The following MACROD1 variants were observed in gnomAD, a reference collection of about 807,000 sequenced individuals.
The protein encoded by MACROD1 is ADP-ribose glycohydrolase MACROD1.
MACROD1 carries 31 observed loss-of-function variants against 41.4 expected under a neutral mutation model. The ratio of observed to expected loss-of-function variants is 0.75; its 90% CI spans 0.56 to 1.01. MACROD1 has a LOEUF of 1.01. Ranked by LOEUF, MACROD1 falls within the 50% of genes least tolerant of loss-of-function variation. The pLI is 0.00. For missense variants in MACROD1, 473 were observed against 460.0 expected (o/e 1.03, Z -0.26); for synonymous variants, 252 against 203.4 (o/e 1.24, Z -2.03).
chr11:64,022,282 G>A (rs1049778260), intron 3 of MACROD1, among the ~76,000 whole-genome samples: 5 of 152,024 alleles, frequency 3.3e-5, no homozygotes, highest in African/African-American at 7.3e-5. Context: ...CCCTGCCTCC[G>A]GGATGCCTCT....
rs1318031655 is a variant in MACROD1, at chr11:64,090,326, G to GTC, written c.517+60911_517+60912dup. ...GTCTAATAGTCAGCAGTTATTTATC[G>GTC]TCTCGTTTCTTAGTGGGTAGGAAAG... On this transcript the variant is annotated intron_variant, in intron 3 of 10. Transcript: ENST00000255681. This position sits in a 1 kb window ranked among gnomAD's most constrained non-coding sequence, Gnocchi z 4.7. Among the ~76,000 whole-genome samples, 1 of 152,196 alleles carries GTC rather than the reference G, an allele frequency of 6.6e-6. No individual in the cohort carries two copies. Among genetic ancestry groups the GTC allele is most frequent in the African/African-American group, 2.4e-5 (1 of 41,440 alleles).
At chr11:64,014,328 G>C (rs896799464) in intron 4 of MACROD1, among the ~76,000 whole-genome samples, 5 of 152,222 alleles carry the variant, frequency 3.3e-5, no homozygotes, top group African/African-American at 1.2e-4. Context: ...GGAGAATGGG[G>C]AGGAGGGAAA....
intron 4 of MACROD1, among the ~76,000 whole-genome samples, chr11:64,002,146 G>A (rs1942835723): frequency 6.6e-6 from 1 of 152,176 alleles, no homozygotes; most frequent in African/African-American, 2.4e-5. Context: ...TGCACACAGG[G>A]TGTTCACAGT....
rs576931022 is a variant in MACROD1, at chr11:64,009,436, T to C, written c.547+5816A>G. Among the ~76,000 whole-genome samples the C allele has an allele frequency of 5.3e-5, 8 of 152,260 alleles. No individual in the cohort carries two copies. In the South Asian group the frequency reaches 1.7e-3, roughly 32 times the overall value. ...TCCTGCTCTACCTGCAGAACTCCTATTTAGCCTTCGGGACCCAAGTCAAAT... is the reference window on the plus strand; with the variant it reads ...TCCTGCTCTACCTGCAGAACTCCTACTTAGCCTTCGGGACCCAAGTCAAAT... On this transcript the variant is annotated intron_variant, in intron 4 of 10. Coordinates refer to ENST00000255681, the MANE Select transcript of MACROD1 (RefSeq NM_014067.4).
intron 3 of MACROD1, among the ~76,000 whole-genome samples, chr11:64,069,652 G>A (rs911867510): frequency 6.6e-6 from 1 of 152,142 alleles, no homozygotes; most frequent in African/African-American, 2.4e-5. Flanking sequence ...TGGGCATGGG[G>A]AGGCAGCCCC....
chr11:64,059,482 T>C (rs1943855349), intron 3 of MACROD1, among the ~76,000 whole-genome samples: 1 of 152,154 alleles, frequency 6.6e-6, no homozygotes. Flanking sequence ...GGGCATCCCA[T>C]GCCCTTCCAC....
rs1023645151 is a variant in MACROD1, at chr11:64,064,691, G to A, written c.518-49410C>T. The stretch of plus-strand genomic sequence containing the variant: ...TAAACGGCACCGAGATAGAAGGAGG[G>A]GGGCCCTCCCTGAGTTCTCCTCTCC... On this transcript the variant is annotated intron_variant, in intron 3 of 10. Transcript: ENST00000255681. The surrounding 1 kb of genome is among the most constrained non-coding windows in gnomAD (Gnocchi z 4.5). Among the ~76,000 whole-genome samples the A allele has an allele frequency of 1.3e-5, 2 of 149,058 alleles. No individual in the cohort carries two copies. Among genetic ancestry groups the A allele is most frequent in the African/African-American group, 4.9e-5 (2 of 40,806 alleles).
chr11:64,095,022 C>T (rs544381119), intron 3 of MACROD1, among the ~76,000 whole-genome samples: 4 of 152,252 alleles, frequency 2.6e-5, no homozygotes, highest in South Asian at 4.1e-4. Context: ...AAAAGTGTGC[C>T]GCGAATGCTT....
intron 3 of MACROD1, among the ~76,000 whole-genome samples, chr11:64,113,937 CGGATGGAT>C (rs562555774): frequency 1.4e-4 from 9 of 66,520 alleles, no homozygotes; most frequent in African/African-American, 2.4e-4. Flanking sequence ...GATTGATGCA[CGGATGGAT>C]GGATGGATGG....
At chr11:64,061,604 G>T (rs534554914) in intron 3 of MACROD1, among the ~76,000 whole-genome samples, 140 of 152,280 alleles carry the variant, frequency 9.2e-4, no homozygotes, top group African/African-American at 3.3e-3. Context: ...GATGGGGTCC[G>T]AATCTGCATG....
chr11:64,061,142 C>T (rs967760194), intron 3 of MACROD1, among the ~76,000 whole-genome samples: 1 of 152,248 alleles, frequency 6.6e-6, no homozygotes, highest in African/African-American at 2.4e-5. Flanking sequence ...GAGCTGTTTT[C>T]AGTCTAGGCT....
rs537238642 is a variant in MACROD1 at position 64,118,240 on chromosome 11, C to T, written c.517+32999G>A. 132 of 1,608,024 alleles carry T rather than the reference C, an allele frequency of 8.2e-5. 1 individual carries two copies. The South Asian group carries it at 1.3e-3, about 16-fold the overall frequency. ...ACACACACCATTGGCTACGGCACCA[C>T]GCGGGGCTACCGGGACGGCGGCATC... On this transcript the variant is annotated intron_variant, in intron 3 of 10. Coordinates refer to ENST00000255681, the MANE Select transcript of MACROD1 (RefSeq NM_014067.4).
chr11:64,116,852 G>C lies in MACROD1; in HGVS notation c.517+34387C>G, dbSNP rs563036980. On this transcript the variant is annotated intron_variant, in intron 3 of 10. Transcript: ENST00000255681. ...ACCACCTGAGCAGCATCCCCTCGGGGCTGCCGCACACGCTGGAGGAGCTGC... is the reference window on the plus strand; with the variant it reads ...ACCACCTGAGCAGCATCCCCTCGGGCCTGCCGCACACGCTGGAGGAGCTGC... 7.6e-5 allele frequency: 123 copies of C among 1,612,596 alleles called. 1 individual carries two copies. The South Asian group carries it at 1.3e-3, about 17-fold the overall frequency.
At chr11:64,141,640 T>C (rs1945415426) in intron 3 of MACROD1, among the ~76,000 whole-genome samples, 1 of 151,968 alleles carries the variant, frequency 6.6e-6, no homozygotes, top group South Asian at 2.1e-4. Flanking sequence ...ACACACACAT[T>C]CCCACAAGCT....
intron 3 of MACROD1, among the ~76,000 whole-genome samples, chr11:64,043,282 C>T (rs1275118040): frequency 6.6e-6 from 1 of 152,172 alleles, no homozygotes; most frequent in Non-Finnish European, 1.5e-5. Flanking sequence ...CTGCTCGGGG[C>T]TCTGAGGAGC....
At chr11:64,001,953 G>T in intron 4 of MACROD1, 1 of 597,806 alleles carries the variant, frequency 1.7e-6, no homozygotes, top group Non-Finnish European at 3.0e-6. Flanking sequence ...TCTGGAAAAT[G>T]GGATAATAGC....
intron 3 of MACROD1, among the ~76,000 whole-genome samples, chr11:64,149,930 C>T (rs947676086): frequency 5.9e-5 from 9 of 152,228 alleles, no homozygotes; most frequent in Non-Finnish European, 1.0e-4. Context: ...ATCCTAGTGG[C>T]CCTAGAGAAA....
At chr11:64,078,071 T>A (rs1317114348) in intron 3 of MACROD1, among the ~76,000 whole-genome samples, 1 of 152,154 alleles carries the variant, frequency 6.6e-6, no homozygotes, top group Admixed American at 6.5e-5. Flanking sequence ...GGGAATGGCC[T>A]TCCCTTTCAC....
At chr11:64,117,524 G>A (rs1371018486) in intron 3 of MACROD1, 7 of 1,604,044 alleles carry the variant, frequency 4.4e-6, no homozygotes, top group South Asian at 3.3e-5. Flanking sequence ...GGCCAGGGCT[G>A]CGCCTCCCCG....
Sources: allele counts gnomAD v4.1 joint callset (sites outside exome capture counted in the v4.1 genomes callset), GRCh38; gene constraint gnomAD v4.1.1; non-coding constraint Gnocchi (gnomAD v3.1); transcripts MANE v1.5; gene names NCBI Gene and HGNC (gene_info 2026-07-23, HGNC 2026-07-21).